Variants in UBE2V1 observed in about 807,000 individuals in gnomAD.
The protein encoded by UBE2V1 is ubiquitin conjugating enzyme E2 V1, also known as ubiquitin-conjugating enzyme E2 variant 1.
Under a neutral mutation model 19.6 loss-of-function variants are expected in UBE2V1, and 15 were observed. The ratio of observed to expected loss-of-function variants is 0.77; its 90% CI spans 0.51 to 1.18. The LOEUF (loss-of-function observed/expected upper bound fraction) is 1.18, where lower values mean the gene tolerates loss of function less well. Among genes scored for constraint, UBE2V1 ranks in the 50% most tolerant of loss-of-function variants. The pLI, the probability that UBE2V1 is intolerant of heterozygous loss-of-function variation, is 0.00. For missense variants in UBE2V1, 125 were observed against 184.8 expected (o/e 0.68, Z 1.88); for synonymous variants, 60 against 60.7 (o/e 0.99, Z 0.05).
At chr20:50,106,881 AAAAAAAC>A (rs1174843723) in intron 1 of UBE2V1, among the ~76,000 whole-genome samples, 6 of 151,604 alleles carry the variant, frequency 4.0e-5, no homozygotes, top group African/African-American at 1.5e-4. Context: ...CAACAAAAAA[AAAAAAAC>A]AAAAAAAAGG....
intron 1 of UBE2V1, among the ~76,000 whole-genome samples, chr20:50,098,135 T>G (rs2079753332): frequency 6.6e-6 from 1 of 152,200 alleles, no homozygotes; most frequent in Admixed American, 6.5e-5. Context: ...AAAGTGTTAT[T>G]GCAATCAGGT....
intron 2 of UBE2V1, among the ~76,000 whole-genome samples, chr20:50,089,712 T>C (rs2079114951): frequency 1.3e-5 from 2 of 152,332 alleles, no homozygotes; most frequent in South Asian, 4.1e-4. Context: ...GGTATCTTTC[T>C]GAGTGAGCAC....
chr20:50,088,460 G>T (rs1011574022), intron 2 of UBE2V1, among the ~76,000 whole-genome samples: 15 of 152,160 alleles, frequency 9.9e-5, no homozygotes, highest in Admixed American at 7.2e-4. Context: ...CTATAAGCCT[G>T]TAAGTATTAG....
upstream of UBE2V1, among the ~76,000 whole-genome samples, chr20:50,114,048 C>T (rs531985323): frequency 3.2e-4 from 49 of 152,190 alleles, no homozygotes; most frequent in Middle Eastern, 0.014. Flanking sequence ...CAGCAGAGAC[C>T]GTAACAATGA....
chr20:50,089,530 G>A (rs1227804611), intron 2 of UBE2V1, among the ~76,000 whole-genome samples: 1 of 152,208 alleles, frequency 6.6e-6, no homozygotes, highest in Non-Finnish European at 1.5e-5. Flanking sequence ...TTCAGAGGAA[G>A]CCAGCTGACA....
chr20:50,090,559 AC>A (rs2079160845), intron 2 of UBE2V1, among the ~76,000 whole-genome samples: 2 of 152,160 alleles, frequency 1.3e-5, no homozygotes, highest in Non-Finnish European at 2.9e-5. Context: ...TCAGCCAGAC[AC>A]AGAAAGACAA....
At chr20:50,096,901 T>G in intron 1 of UBE2V1, 81 bp from the exon 2 acceptor site, 1 of 1,567,272 alleles carries the variant, frequency 6.4e-7, no homozygotes, top group Non-Finnish European at 8.6e-7. Flanking sequence ...TCATTATCTC[T>G]CCCTGGGAAT....
Position 50,113,136 on chromosome 20 carries a change from C to T in UBE2V1, c.-8G>A, listed in dbSNP as rs527935643. ...GCCCGTGGTGGCTGCCATCTTGCGT[C>T]GCTCTTGCTTGAAGGCCGGCCCCTT... On this transcript the variant is annotated 5_prime_UTR_variant, in exon 1 of 4. Transcript: ENST00000371674. 1.5e-5 allele frequency: 21 copies of T among 1,373,372 alleles called. 1 individual carries two copies. In the South Asian group the frequency reaches 3.1e-4, roughly 20 times the overall value. The allele number at this position is 1,373,372 out of a possible 1,614,324, so 85.1% of individuals were successfully genotyped here.
At chr20:50,094,894 CAA>C (rs2147073985) in intron 2 of UBE2V1, 1 of 152,242 alleles carries the variant, frequency 6.6e-6, no homozygotes, top group East Asian at 1.9e-4. Context: ...TTACCAAAAA[CAA>C]ATACATGGAG....
At chr20:50,109,747 CAAAAA>C (rs11468343) in intron 1 of UBE2V1, among the ~76,000 whole-genome samples, 1 of 89,560 alleles carries the variant, frequency 1.1e-5, no homozygotes, top group Non-Finnish European at 2.3e-5. Flanking sequence ...AACTCCGTCT[CAAAAA>C]AAAAAAAAAA....
At chr20:50,108,755 G>A (rs2080554544) in intron 1 of UBE2V1, among the ~76,000 whole-genome samples, 1 of 152,214 alleles carries the variant, frequency 6.6e-6, no homozygotes, top group Admixed American at 6.5e-5. Flanking sequence ...CCCAAGAGGT[G>A]TGAGTCATTC....
intron 1 of UBE2V1, among the ~76,000 whole-genome samples, chr20:50,112,212 T>A (rs898118225): frequency 2.6e-5 from 4 of 152,112 alleles, no homozygotes; most frequent in African/African-American, 9.7e-5. Flanking sequence ...CCTTTTCCAC[T>A]CCCTCATTTC....
chr20:50,093,987 C>CAAAAAAAAAAAAAA (rs60174191), intron 2 of UBE2V1, among the ~76,000 whole-genome samples: 2 of 56,282 alleles, frequency 3.6e-5, no homozygotes, highest in Non-Finnish European at 6.6e-5. Context: ...GACTCCAACT[C>CAAAAAAAAAAAAAA]AAAAAAAAAA....
At chr20:50,114,145 T>C (rs1051500165), upstream of UBE2V1, among the ~76,000 whole-genome samples, 8 of 152,186 alleles carry the variant, frequency 5.3e-5, no homozygotes, top group Non-Finnish European at 8.8e-5. Context: ...TCCTTTATTA[T>C]AAATTGTCTG....
At position 50,111,296 on chromosome 20, in the gene UBE2V1, CT is replaced by C. The variant is rs1272713363; in HGVS notation, c.22+1810del. ...CATTTATGAAGCACTCACTTTTTAA[CT>C]GTCAGGGTCTGGAGAAGTTAGAACC... On this transcript the variant is annotated intron_variant, in intron 1 of 3. Coordinates refer to ENST00000371674, the MANE Select transcript of UBE2V1 (RefSeq NM_001032288.3). 4.0e-6 allele frequency: 4 copies of C among 989,032 alleles called. No homozygotes were observed. In the African/African-American group the frequency reaches 7.0e-5, roughly 17 times the overall value. 61.3% of individuals were successfully genotyped at this position (989,032 alleles called of 1,614,324 possible). A position where few individuals can be genotyped will look rare whatever the true frequency, so the allele number is the denominator to read the frequency against.
intron 2 of UBE2V1, among the ~76,000 whole-genome samples, chr20:50,089,773 A>G (rs1440576566): frequency 6.6e-6 from 1 of 152,232 alleles, no homozygotes; most frequent in Admixed American, 6.5e-5. Flanking sequence ...GTTAGGTTGT[A>G]GAATATTTGG....
At chr20:50,097,242 C>T (rs2147094092) in intron 1 of UBE2V1, among the ~76,000 whole-genome samples, 1 of 152,242 alleles carries the variant, frequency 6.6e-6, no homozygotes, top group African/African-American at 2.4e-5. Context: ...CTCAAACAAC[C>T]TTTAGGAGGA....
chr20:50,095,573 C>T (rs2079571618), intron 2 of UBE2V1, among the ~76,000 whole-genome samples: 1 of 152,250 alleles, frequency 6.6e-6, no homozygotes, highest in African/African-American at 2.4e-5. Context: ...ACTTAACGAA[C>T]ATGTCACTTG....
chr20:50,102,413 A>G (rs2080061309), intron 1 of UBE2V1, among the ~76,000 whole-genome samples: 1 of 152,224 alleles, frequency 6.6e-6, no homozygotes, highest in South Asian at 2.1e-4. Context: ...GCATCCTTGC[A>G]TGTTCATTGT....
Sources: allele counts gnomAD v4.1 joint callset (sites outside exome capture counted in the v4.1 genomes callset), GRCh38; gene constraint gnomAD v4.1.1; transcripts MANE v1.5; gene names NCBI Gene and HGNC (gene_info 2026-07-23, HGNC 2026-07-21).